The following PCARE variants were observed in gnomAD, a reference collection of about 807,000 sequenced individuals.
PCARE encodes the protein uncharacterized protein C2orf71.
PCARE carries 72 observed loss-of-function variants against 82.2 expected under a neutral mutation model. That is an observed-to-expected ratio of 0.88 (90% confidence interval 0.72 to 1.07). PCARE has a LOEUF of 1.07. PCARE is among the 50% of genes least tolerant of loss of function. PCARE has a pLI of 0.00. For missense variants in PCARE, 1,768 were observed against 1,592.4 expected, an observed-to-expected ratio of 1.11 and a Z score of -1.88; for synonymous variants, 705 against 634.8, an observed-to-expected ratio of 1.11 and a Z score of -1.66.
chr2:29,071,830 G>A lies in PCARE; in HGVS notation c.2432C>T (p.Ala811Val), dbSNP rs1168605077. The A allele has an allele frequency of 1.9e-6, 3 of 1,614,116 alleles. No homozygotes were observed. The highest frequency in any genetic ancestry group is 2.7e-5 in the African/African-American group (2 of 74,942). ...LAPIFPPLPK[A>V]EAAKSEELSC... Reference sequence around the variant, plus strand: ...GAGCTCCTCACTCTTGGCTGCTTCTGCTTTAGGCAGAGGGGGAAAGATAGG... The same window carrying A: ...GAGCTCCTCACTCTTGGCTGCTTCTACTTTAGGCAGAGGGGGAAAGATAGG... Residue 811 changes from alanine (A) to valine (V), a missense_variant, in exon 1 of 2, where the codon GCA becomes GTA. Ala to Val is a moderately conservative substitution (Grantham distance 64, BLOSUM62 0). Transcript: ENST00000331664.
At position 29,073,165 on chromosome 2, in the gene PCARE, C is replaced by A. The variant is rs1667523729; in HGVS notation, c.1097G>T (p.Gly366Val). The A allele has an allele frequency of 2.5e-6, 4 of 1,614,116 alleles. No individual in the cohort carries two copies. The South Asian group carries it at 4.4e-5, about 18-fold the overall frequency. Residue 366 changes from glycine to valine, a missense_variant, in exon 1 of 2, where the codon GGC (glycine) becomes GTC (valine). Transcript: ENST00000331664. Reference sequence around the variant, plus strand: ...TGCAAGGTCCCAGCTGGTTTGCTTGCCCAGCTTGTCCACCGACTGCACGGA... The same window carrying A: ...TGCAAGGTCCCAGCTGGTTTGCTTGACCAGCTTGTCCACCGACTGCACGGA... ...NESVQSVDKL[G>V]KQTSWDLAPE...
intron 1 of PCARE, 72 bp downstream of exon 1, chr2:29,070,522 C>T (rs766130533): frequency 9.4e-6 from 15 of 1,595,192 alleles, no homozygotes; most frequent in Non-Finnish European, 1.3e-5. Flanking sequence ...CCCAGAAGAT[C>T]TTTTGGCCCA....
chr2:29,064,577 AC>A lies in PCARE; in HGVS notation c.*291del, dbSNP rs1284639582. 4 of 556,906 alleles carry A rather than the reference AC, an allele frequency of 7.2e-6. No homozygotes were observed. The highest frequency in any genetic ancestry group is 6.2e-5 in the Admixed American group (2 of 32,424). The allele number at this position is 556,906 out of a possible 1,614,324, so 34.5% of individuals were successfully genotyped here. On this transcript the variant is annotated 3_prime_UTR_variant, in exon 2 of 2. Transcript: ENST00000331664. ...TCAAGCATGCAACTATACATTCTCC[AC>A]CCCCCACCCCACCCCAAATTAAGGC...
Position 29,064,978 on chromosome 2 carries a change from G to T in PCARE, c.3758C>A (p.Pro1253His). ...ELQGGTRRAS[P>H]PEFCVLGHGL... ...GTGGCCCAGCACACAGAACTCTGGGGGAGATGCACGCCTGGTGCCGCCCTG... is the reference window on the plus strand; with the variant it reads ...GTGGCCCAGCACACAGAACTCTGGGTGAGATGCACGCCTGGTGCCGCCCTG... Residue 1253 changes from proline (P) to histidine (H), a missense_variant, in exon 2 of 2, where the codon CCC becomes CAC. Physicochemically the swap from Pro to His is moderately conservative, Grantham distance 77 (BLOSUM62 -2). Transcript: ENST00000331664. The T allele has an allele frequency of 1.3e-6, 2 of 1,591,224 alleles. No individual in the cohort carries two copies. The highest frequency in any genetic ancestry group is 1.7e-4 in the Middle Eastern group (1 of 5,734).
At chr2:29,069,134 T>C (rs542609276) in intron 1 of PCARE, among the ~76,000 whole-genome samples, 50 of 152,366 alleles carry the variant, frequency 3.3e-4, no homozygotes, top group African/African-American at 1.1e-3. Flanking sequence ...GGTCATCTTA[T>C]ATTAAGCCAG....
rs1286214570 is a variant in PCARE at position 29,063,924 on chromosome 2, T to C, written c.*945A>G. 2.0e-5 allele frequency: 3 copies of C among 152,988 alleles called. No homozygotes were observed. The highest frequency in any genetic ancestry group is 4.4e-5 in the Non-Finnish European group (3 of 68,064). The allele number at this position is 152,988 out of a possible 1,614,324, so 9.5% of individuals were successfully genotyped here. The stretch of plus-strand genomic sequence containing the variant: ...CGTATGCCTCACCCACGCTATCTTC[T>C]GAGCTCCAGCACCCACGGCATGTGG... On this transcript the variant is annotated 3_prime_UTR_variant, in exon 2 of 2. Transcript: ENST00000331664.
Position 29,070,882 on chromosome 2 carries a change from G to A in PCARE, c.3380C>T (p.Thr1127Ile). Residue 1127 changes from threonine (T) to isoleucine (I), a missense_variant, in exon 1 of 2, where the codon ACC becomes ATC. Thr to Ile is a moderately conservative substitution (Grantham distance 89). Transcript: ENST00000331664. ...CGGTTTAGCTTCAAACAGAGAGGAG[G>A]TAGCTGGGCAGAATATGGAATGTGT... ...GNTHSIFCPATSSLFEAKPPL... is the reference protein window; with the variant it reads ...GNTHSIFCPAISSLFEAKPPL... The A allele has an allele frequency of 6.2e-7, 1 of 1,613,874 alleles. No individual in the cohort carries two copies. The highest frequency in any genetic ancestry group is 1.6e-4 in the Middle Eastern group (1 of 6,062).
chr2:29,071,138 G>C lies in PCARE; in HGVS notation c.3124C>G (p.Pro1042Ala), dbSNP rs1479927058. 6.3e-7 allele frequency: 1 copy of C among 1,585,322 alleles called. No individual in the cohort carries two copies. ...GGGGAAGTTCGCCGCTTTGTGGTGGGTGGGCTTAGCACCCTGGGGCTCACA... is the reference window on the plus strand; with the variant it reads ...GGGGAAGTTCGCCGCTTTGTGGTGGCTGGGCTTAGCACCCTGGGGCTCACA... ...PPVSPRVLSP[P>A]TTKRRTSPPH... Residue 1042 changes from proline to alanine, a missense_variant, in exon 1 of 2, where the codon CCC (proline) becomes GCC (alanine). Pro to Ala is a conservative substitution (Grantham distance 27). Coordinates refer to ENST00000331664, the MANE Select transcript of PCARE (RefSeq NM_001029883.3).
Position 29,064,916 on chromosome 2 carries a change from C to T in PCARE, c.3820G>A (p.Asp1274Asn), listed in dbSNP as rs1667368853. The change falls in exon 2 of 2, where the codon GAC (aspartate) becomes AAC (asparagine). Residue 1274 changes from aspartate (D) to asparagine (N), a missense_variant. Asp to Asn is a conservative substitution (Grantham distance 23, BLOSUM62 1). Coordinates refer to ENST00000331664, the MANE Select transcript of PCARE (RefSeq NM_001029883.3). ...QPEPRTGHIQ[D>N]KSQPEAQPQQ... ...GGCTGCGCCTCTGGCTGGGATTTGT[C>T]CTGGATGTGGCCGGTCCGAGGCTCC... 2 of 1,612,086 alleles carry T rather than the reference C, an allele frequency of 1.2e-6. No individual in the cohort carries two copies. Among genetic ancestry groups the T allele is most frequent in the Admixed American group, 3.3e-5 (2 of 60,004 alleles).
Position 29,065,060 on chromosome 2 carries a change from C to CGCTGCT in PCARE, c.3670_3675dup (p.Ser1224_Ser1225dup). On this transcript the variant is annotated inframe_insertion, in exon 2 of 2. Transcript: ENST00000331664. ...TCTGTGTCCTTCTTAGGGCTCTCCT[C>CGCTGCT]GCTGCTGCTGCCGAGAGAAAGGACA... 19 of 1,549,622 alleles carry CGCTGCT rather than the reference C, an allele frequency of 1.2e-5. No homozygotes were observed. Among genetic ancestry groups the CGCTGCT allele is most frequent in the Non-Finnish European group, 1.2e-5 (14 of 1,146,468 alleles).
rs766723736 is a variant in PCARE at position 29,070,784 on chromosome 2, C to T, written c.3478G>A (p.Ala1160Thr). Reference sequence around the variant, plus strand: ...CCTGAGCTGTTCTTCCAGCATTCTGCTGGGTTCCCGAGAGGGCCCCCAGCC... The same window carrying T: ...CCTGAGCTGTTCTTCCAGCATTCTGTTGGGTTCCCGAGAGGGCCCCCAGCC... ...PEAGGPLGNP[A>T]ECWKNSSGPW... Residue 1160 changes from alanine to threonine, a missense_variant, in exon 1 of 2, where the codon GCA becomes ACA. Ala to Thr is a moderately conservative substitution (Grantham distance 58, BLOSUM62 0). Transcript: ENST00000331664. The T allele has an allele frequency of 5.6e-6, 9 of 1,614,136 alleles. No individual in the cohort carries two copies. Among genetic ancestry groups the T allele is most frequent in the Non-Finnish European group, 7.6e-6 (9 of 1,180,036 alleles).
At position 29,064,832 on chromosome 2, in the gene PCARE, G is replaced by A. The variant is rs1322294976; in HGVS notation, c.*37C>T. The A allele has an allele frequency of 1.9e-6, 3 of 1,606,636 alleles. No homozygotes were observed. Among genetic ancestry groups the A allele is most frequent in the African/African-American group, 1.3e-5 (1 of 74,860 alleles). On this transcript the variant is annotated 3_prime_UTR_variant, in exon 2 of 2. Transcript: ENST00000331664. ...ACTTGGCTGTCACACTTGGCCTTCT[G>A]GGGTGACTGCGTGAGTGTGGCCCCC...
intron 1 of PCARE, among the ~76,000 whole-genome samples, chr2:29,068,638 T>A (rs978708631): frequency 6.6e-6 from 1 of 152,164 alleles, no homozygotes; most frequent in African/African-American, 2.4e-5. Flanking sequence ...TGTCCAGTAA[T>A]GGCTACACTT....
At chr2:29,065,114 G>A in intron 1 of PCARE, 47 bp from the exon 2 acceptor site, 1 of 1,529,340 alleles carries the variant, frequency 6.5e-7, no homozygotes. Context: ...CTCCTCTGCT[G>A]CTCCTTCCTG....
rs1667334569 is a variant in PCARE, at chr2:29,063,007, T to G, written c.*1862A>C. 1 of 152,274 alleles carries G rather than the reference T, an allele frequency of 6.6e-6. No homozygotes were observed. Among genetic ancestry groups the G allele is most frequent in the Non-Finnish European group, 1.5e-5 (1 of 68,070 alleles). 9.4% of individuals were successfully genotyped at this position (152,274 alleles called of 1,614,324 possible). A position where few individuals can be genotyped will look rare whatever the true frequency, so the allele number is the denominator to read the frequency against. Reference sequence around the variant, plus strand: ...TTGTGAGCTAGACCTCAAAGGCCGCTCACACTGTGTGTCTCCTGCTCACTC... The same window carrying G: ...TTGTGAGCTAGACCTCAAAGGCCGCGCACACTGTGTGTCTCCTGCTCACTC... On this transcript the variant is annotated 3_prime_UTR_variant, in exon 2 of 2. Coordinates refer to ENST00000331664, the MANE Select transcript of PCARE (RefSeq NM_001029883.3).
intron 1 of PCARE, among the ~76,000 whole-genome samples, chr2:29,070,105 G>T (rs200727582): frequency 6.6e-6 from 1 of 151,290 alleles, no homozygotes; most frequent in Non-Finnish European, 1.5e-5. Flanking sequence ...ATTTTTTTGA[G>T]ATATATATAT....
chr2:29,073,873 GA>G lies in PCARE; in HGVS notation c.388del (p.Ser130LeufsTer52). The G allele has an allele frequency of 6.2e-7, 1 of 1,614,228 alleles. No homozygotes were observed. The highest frequency in any genetic ancestry group is 1.7e-5 in the Admixed American group (1 of 60,028). Reference protein sequence around the residue: ...GSHGSQGADFSGDESEESSTQ... With the variant: ...GSHGSQGADFXGDESEESSTQ... ...ACTACTTTCCTCACTCTCATCTCCA[GA>G]AAAGTCTGCCCCTTGTGATCCATGG... is the stretch of plus-strand genomic sequence containing the variant. On this transcript the variant is annotated frameshift_variant, in exon 1 of 2. Transcript: ENST00000331664. LOFTEE classifies it high-confidence loss of function.
intron 1 of PCARE, among the ~76,000 whole-genome samples, chr2:29,069,515 T>C (rs965866786): frequency 2.6e-5 from 4 of 152,090 alleles, no homozygotes; most frequent in Non-Finnish European, 5.9e-5. Context: ...AGGGGAACAG[T>C]AGACACTGGG....
Position 29,064,609 on chromosome 2 carries a change from C to T in PCARE, c.*260G>A. The stretch of plus-strand genomic sequence containing the variant: ...ACCCCACCCCAAATTAAGGCCAGCA[C>T]TTGAAGCATTAAATACTGTCATTGT... On this transcript the variant is annotated 3_prime_UTR_variant, in exon 2 of 2. Transcript: ENST00000331664. 1.7e-6 allele frequency: 1 copy of T among 586,194 alleles called. No individual in the cohort carries two copies. The highest frequency in any genetic ancestry group is 3.0e-6 in the Non-Finnish European group (1 of 328,004). 36.3% of individuals were successfully genotyped at this position (586,194 alleles called of 1,614,324 possible).
Sources: gnomAD v4.1 joint callset for allele counts (sites outside exome capture counted in the v4.1 genomes callset) on GRCh38, gnomAD v4.1.1 for gene constraint, MANE v1.5 for transcripts, NCBI Gene and HGNC (gene_info 2026-07-23, HGNC 2026-07-21) for gene names.